The following PTBP2 variants were observed in gnomAD, a reference collection of about 807,000 sequenced individuals.
PTBP2 encodes the protein polypyrimidine tract-binding protein 2.
In PTBP2, 13 loss-of-function variants were observed where a neutral mutation model predicts 61.4. That is an observed-to-expected ratio of 0.21 (90% CI 0.14 to 0.34). The LOEUF (loss-of-function observed/expected upper bound fraction) is 0.34, where lower values mean the gene tolerates loss of function less well. PTBP2 is among the 10% of genes least tolerant of loss of function. The probability of loss-of-function intolerance (pLI) is 1.00; values close to 1 mark genes in which losing one functional copy is unlikely to be tolerated. For missense variants in PTBP2, 405 were observed against 642.6 expected (o/e 0.63, Z 4.00); for synonymous variants, 215 against 218.5 (o/e 0.98, Z 0.14).
intron 2 of PTBP2, among the ~76,000 whole-genome samples, chr1:96,750,238 CTG>C (rs1283924486): frequency 6.6e-6 from 1 of 152,016 alleles, no homozygotes; most frequent in Non-Finnish European, 1.5e-5. Context: ...AGGGACTACA[CTG>C]TGAGAATCAG....
At chr1:96,767,165 C>T (rs965919592) in intron 3 of PTBP2, among the ~76,000 whole-genome samples, 1 of 152,124 alleles carries the variant, frequency 6.6e-6, no homozygotes, top group Non-Finnish European at 1.5e-5. Flanking sequence ...AAGTTTCCTA[C>T]GTTCTTTCTG....
rs1254951612 is a variant in PTBP2, at chr1:96,814,703, A to G, written c.*1298A>G. On this transcript the variant is annotated 3_prime_UTR_variant, in exon 14 of 14. Coordinates refer to ENST00000674951, the MANE Select transcript of PTBP2 (RefSeq NM_021190.4). ...CTATGTAGACAGAATGGTCATGTATATTTTCTATTAGTTGAGTTTTTACAT... is the reference window on the plus strand; with the variant it reads ...CTATGTAGACAGAATGGTCATGTATGTTTTCTATTAGTTGAGTTTTTACAT... 1 of 152,500 alleles carries G rather than the reference A, an allele frequency of 6.6e-6. No individual in the cohort carries two copies. The highest frequency in any genetic ancestry group is 1.5e-5 in the Non-Finnish European group (1 of 67,956). 9.4% of individuals were successfully genotyped at this position (152,500 alleles called of 1,614,324 possible).
At chr1:96,807,013 A>T in intron 11 of PTBP2, 55 bp downstream of exon 11, 1 of 1,306,776 alleles carries the variant, frequency 7.7e-7, no homozygotes, top group Non-Finnish European at 1.1e-6. Context: ...TCAAATGCAT[A>T]ATGTGAATGT....
At chr1:96,822,739 A>G (rs2101327857) in exon 14 of PTBP2, 1 of 152,132 alleles carries the variant, frequency 6.6e-6, no homozygotes, top group Non-Finnish European at 1.5e-5. Flanking sequence ...ATAAGAGTAA[A>G]AGAAAGACCC....
intron 3 of PTBP2, among the ~76,000 whole-genome samples, chr1:96,761,346 A>ATATG (rs375632927): frequency 7.1e-5 from 10 of 140,574 alleles, no homozygotes; most frequent in African/African-American, 1.1e-4. Context: ...GTGGGATTTG[A>ATATG]TGTGTGTGTG....
chr1:96,759,406 G>A (rs1011051048), intron 3 of PTBP2, among the ~76,000 whole-genome samples: 33 of 152,298 alleles, frequency 2.2e-4, no homozygotes, highest in African/African-American at 7.0e-4. Context: ...ACAGAATAGC[G>A]TTCAGGGAAT....
At chr1:96,763,567 GGAAAGA>G (rs1656286877) in intron 3 of PTBP2, among the ~76,000 whole-genome samples, 2 of 139,508 alleles carry the variant, frequency 1.4e-5, no homozygotes, top group South Asian at 5.1e-4. Context: ...GGGAGACTGT[GGAAAGA>G]GAGGGAGAGG....
chr1:96,742,987 G>A (rs565941487), intron 2 of PTBP2, among the ~76,000 whole-genome samples: 169 of 151,968 alleles, frequency 1.1e-3, no homozygotes, highest in Admixed American at 2.9e-3. Flanking sequence ...TGAGTCATCT[G>A]TACAATTTCC....
At chr1:96,810,493 C>T (rs1661969490) in intron 11 of PTBP2, among the ~76,000 whole-genome samples, 2 of 152,282 alleles carry the variant, frequency 1.3e-5, no homozygotes, top group South Asian at 4.1e-4. Flanking sequence ...CTAGAACTCT[C>T]TTGTTACCTG....
intron 5 of PTBP2, among the ~76,000 whole-genome samples, chr1:96,773,937 TG>T: frequency 7.4e-6 from 1 of 135,402 alleles, no homozygotes; most frequent in Non-Finnish European, 1.5e-5. Flanking sequence ...CACTTCAGCC[TG>T]GGCGACAGAG....
At chr1:96,807,166 CATAAT>C (rs1661577126) in intron 11 of PTBP2, among the ~76,000 whole-genome samples, 1 of 152,092 alleles carries the variant, frequency 6.6e-6, no homozygotes, top group Non-Finnish European at 1.5e-5. Flanking sequence ...CAAATGCACT[CATAAT>C]AGGAAGAGAT....
intron 11 of PTBP2, among the ~76,000 whole-genome samples, chr1:96,811,146 G>A (rs1571040967): frequency 6.6e-6 from 1 of 151,654 alleles, no homozygotes; most frequent in East Asian, 1.9e-4. Flanking sequence ...GAAGTTATAG[G>A]TAAAATAAGA....
chr1:96,734,834 A>G (rs1651927360), intron 2 of PTBP2, among the ~76,000 whole-genome samples: 4 of 150,604 alleles, frequency 2.7e-5, no homozygotes, highest in Admixed American at 1.3e-4. Context: ...TTTCCCAGGA[A>G]CATTTCTTAT....
At chr1:96,763,352 G>T (rs1228584690) in intron 3 of PTBP2, among the ~76,000 whole-genome samples, 1 of 152,112 alleles carries the variant, frequency 6.6e-6, no homozygotes, top group Non-Finnish European at 1.5e-5. Context: ...GAGGCTGGCG[G>T]ATCACTCGCG....
chr1:96,748,879 T>A (rs1297276839), intron 2 of PTBP2, among the ~76,000 whole-genome samples: 2 of 152,204 alleles, frequency 1.3e-5, no homozygotes, highest in Non-Finnish European at 2.9e-5. Flanking sequence ...CTGAATCACT[T>A]CTTTTGGGCA....
chr1:96,820,722 ATTTC>A (rs1429212814), exon 14 of PTBP2: 1 of 151,894 alleles, frequency 6.6e-6, no homozygotes, highest in African/African-American at 2.4e-5. Flanking sequence ...GTGTCTATAT[ATTTC>A]TTAACCATTT....
In PTBP2 at chr1:96,822,358, G is replaced by A. The variant is rs1001858392; in HGVS notation, c.*8953G>A. ...AAAAAAGGACCAGAATCAAGATTAC[G>A]GCACCCTGGAGAAAGTTAAGCATGG... On this transcript the variant is annotated 3_prime_UTR_variant, in exon 14 of 14. Transcript: ENST00000609116. 6 of 152,266 alleles carry A rather than the reference G, an allele frequency of 3.9e-5. No homozygotes were observed. The East Asian group carries it at 9.7e-4, about 25-fold the overall frequency. The allele number at this position is 152,266 out of a possible 1,614,324, so 9.4% of individuals were successfully genotyped here. A position where few individuals can be genotyped will look rare whatever the true frequency, so the allele number is the denominator to read the frequency against.
At chr1:96,779,151 G>T (rs1028960678) in intron 7 of PTBP2, among the ~76,000 whole-genome samples, 1 of 151,874 alleles carries the variant, frequency 6.6e-6, no homozygotes, top group Non-Finnish European at 1.5e-5. Flanking sequence ...TGTGCTTTCC[G>T]CTTCAGGCAT....
intron 5 of PTBP2, among the ~76,000 whole-genome samples, chr1:96,775,478 C>G (rs1011879727): frequency 1.3e-5 from 2 of 152,124 alleles, no homozygotes; most frequent in Non-Finnish European, 2.9e-5. Flanking sequence ...CTGCTGCCTG[C>G]AAAACATGGG....
Sources: gnomAD v4.1 joint callset for allele counts (sites outside exome capture counted in the v4.1 genomes callset) on GRCh38, gnomAD v4.1.1 for gene constraint, MANE v1.5 for transcripts, NCBI Gene and HGNC (gene_info 2026-07-23, HGNC 2026-07-21) for gene names.